THRAP3: variants seen among roughly 807,000 people sequenced by gnomAD.
The protein encoded by THRAP3 is thyroid hormone receptor associated protein 3.
A neutral mutation model predicts 101.0 loss-of-function variants in THRAP3; 16 were observed. The observed-to-expected ratio is 0.16, with a 90% CI of 0.11 to 0.24. The LOEUF (loss-of-function observed/expected upper bound fraction) is 0.24, where lower values mean the gene tolerates loss of function less well. Ranked by LOEUF, THRAP3 falls within the 10% of genes least tolerant of loss-of-function variation. The pLI, the probability that THRAP3 is intolerant of heterozygous loss-of-function variation, is 1.00. For missense variants in THRAP3, 989 were observed against 1,202.7 expected (o/e 0.82, Z 2.63); for synonymous variants, 407 against 422.6 (o/e 0.96, Z 0.45).
chr1:36,283,190 C>T (rs1472395994), intron 3 of THRAP3, among the ~76,000 whole-genome samples: 1 of 152,220 alleles, frequency 6.6e-6, no homozygotes, highest in Non-Finnish European at 1.5e-5. Flanking sequence ...TAACAAGCTG[C>T]ATCTGTTTAG....
chr1:36,226,773 A>T (rs1026102548), intron 1 of THRAP3, among the ~76,000 whole-genome samples: 1 of 152,168 alleles, frequency 6.6e-6, no homozygotes, highest in African/African-American at 2.4e-5. Context: ...AATTTATTCA[A>T]CAAATACTAC....
At chr1:36,268,715 A>G (rs1167384792) in intron 2 of THRAP3, among the ~76,000 whole-genome samples, 8 of 150,750 alleles carry the variant, frequency 5.3e-5, no homozygotes, top group South Asian at 2.1e-4. Flanking sequence ...TGTGTCCAAT[A>G]TGAGTTAATT....
At chr1:36,248,735 A>G (rs1181253835) in intron 1 of THRAP3, among the ~76,000 whole-genome samples, 1 of 151,838 alleles carries the variant, frequency 6.6e-6, no homozygotes, top group Non-Finnish European at 1.5e-5. Flanking sequence ...CTTGATTTAT[A>G]CTTGTGTCTT....
intron 2 of THRAP3, among the ~76,000 whole-genome samples, chr1:36,279,668 C>T (rs1396838367): frequency 6.6e-6 from 1 of 152,150 alleles, no homozygotes; most frequent in African/African-American, 2.4e-5. Flanking sequence ...TACTCATCAC[C>T]TTTTGTCTCT....
In THRAP3 at chr1:36,286,809, C is replaced by T. The variant is rs2242427; in HGVS notation, c.579C>T (p.Ala193=). The T allele has an allele frequency of 7.9e-3, 12,807 of 1,614,154 alleles. 502 individuals carry two copies. In the East Asian group the frequency reaches 0.12, roughly 16 times the overall value. The change falls in exon 4 of 12, where the codon GCC becomes GCT. Residue 193 remains alanine (A), a synonymous_variant. Transcript: ENST00000354618. The surrounding 1 kb of genome is among the most constrained non-coding windows in gnomAD (Gnocchi z 5.5). The stretch of plus-strand genomic sequence containing the variant: ...AGGATAGCCGGCCATCTCAGGCTGC[C>T]GGGGATAACCAGGGAGATGAGGCCA... ...SSKDSRPSQA[A]GDNQGDEAKE...
the THRAP3 span, among the ~76,000 whole-genome samples, chr1:36,217,367 C>T: frequency 6.6e-6 from 1 of 152,162 alleles, no homozygotes; most frequent in East Asian, 1.9e-4. Context: ...TGCCAGGTCA[C>T]TCAAGGAGAG....
intron 1 of THRAP3, among the ~76,000 whole-genome samples, chr1:36,234,807 C>CTTTTTTTTTTTTTTTTTTTTTT: frequency 1.4e-5 from 1 of 72,436 alleles, no homozygotes; most frequent in Non-Finnish European, 2.4e-5. Flanking sequence ...CTGTTTCAGT[C>CTTTTTTTTTTTTTTTTTTTTTT]TTTTTTTTTT....
At chr1:36,221,601 T>C (rs35265308), upstream of THRAP3, among the ~76,000 whole-genome samples, 7,920 of 152,218 alleles carry the variant, frequency 0.052, 721 homozygotes, top group African/African-American at 0.18. Flanking sequence ...AGCATTTTTA[T>C]TGAGACAGTT....
intron 8 of THRAP3, among the ~76,000 whole-genome samples, chr1:36,295,954 C>CTTTTTTTTTTTTTTTTTTTTTTT (rs575028397): frequency 1.7e-5 from 1 of 60,498 alleles, no homozygotes; most frequent in Non-Finnish European, 2.8e-5. Flanking sequence ...GCCTTCTCAA[C>CTTTTTTTTTTTTTTTTTTTTTTT]TTTTTTTTTT....
At chr1:36,254,185 CA>C (rs1645344852) in intron 1 of THRAP3, among the ~76,000 whole-genome samples, 1 of 152,148 alleles carries the variant, frequency 6.6e-6, no homozygotes, top group African/African-American at 2.4e-5. Context: ...AAAAAGTCTG[CA>C]GAGAAACTGC....
chr1:36,245,065 G>T (rs1328179811), intron 1 of THRAP3, among the ~76,000 whole-genome samples: 1 of 151,526 alleles, frequency 6.6e-6, no homozygotes, highest in East Asian at 2.0e-4. Context: ...ACCTTACTTT[G>T]TTCCTCTAGT....
the THRAP3 span, among the ~76,000 whole-genome samples, chr1:36,214,292 T>C: frequency 1.4e-4 from 21 of 152,340 alleles, no homozygotes; most frequent in South Asian, 4.1e-3. Context: ...AGGGAGGTAG[T>C]ACCTAGCTGC....
intron 10 of THRAP3, 87 bp from the exon 11 acceptor site, chr1:36,301,466 A>T: frequency 6.6e-7 from 1 of 1,516,774 alleles, no homozygotes; most frequent in East Asian, 2.3e-5. Flanking sequence ...ATTCCACACC[A>T]GAAAAATGTT....
At chr1:36,287,437 T>G in intron 4 of THRAP3, 167 bp downstream of exon 4, 1 of 984,828 alleles carries the variant, frequency 1.0e-6, no homozygotes, top group Non-Finnish European at 1.2e-6. Context: ...AACCTTTAGG[T>G]TAACTCTAGC....
intron 9 of THRAP3, among the ~76,000 whole-genome samples, chr1:36,299,268 G>T (rs1208351081): frequency 6.6e-6 from 1 of 151,796 alleles, no homozygotes; most frequent in Non-Finnish European, 1.5e-5. Flanking sequence ...GTGAAACCCT[G>T]TCTCTACTAA....
intron 2 of THRAP3, among the ~76,000 whole-genome samples, chr1:36,267,423 G>C (rs542742649): frequency 1.6e-4 from 25 of 152,236 alleles, no homozygotes; most frequent in African/African-American, 6.0e-4. Context: ...TGAAAAAATA[G>C]AGGTAAAAAC....
the THRAP3 span, among the ~76,000 whole-genome samples, chr1:36,213,319 G>C: frequency 1.3e-5 from 2 of 152,036 alleles, no homozygotes; most frequent in African/African-American, 4.8e-5. Flanking sequence ...GAGAGGCCTG[G>C]GAGATCTTAT....
chr1:36,255,604 A>G (rs1645362909), intron 1 of THRAP3, among the ~76,000 whole-genome samples: 1 of 151,740 alleles, frequency 6.6e-6, no homozygotes, highest in Admixed American at 6.6e-5. Flanking sequence ...CCCTGTCTCT[A>G]CTAAAAATAC....
intron 9 of THRAP3, among the ~76,000 whole-genome samples, chr1:36,297,105 T>C (rs1645962188): frequency 6.6e-6 from 1 of 152,236 alleles, no homozygotes. Context: ...ATGGGGAAGT[T>C]GTATTTTAGA....
Sources: allele counts gnomAD v4.1 joint callset (sites outside exome capture counted in the v4.1 genomes callset), GRCh38; gene constraint gnomAD v4.1.1; non-coding constraint Gnocchi (gnomAD v3.1); transcripts MANE v1.5; gene names NCBI Gene and HGNC (gene_info 2026-07-23, HGNC 2026-07-21).